The following CRPPA variants were observed in gnomAD, a reference collection of about 807,000 sequenced individuals.
CRPPA encodes the protein D-ribitol-5-phosphate cytidylyltransferase.
Under a neutral mutation model 52.0 loss-of-function variants are expected in CRPPA, and 43 were observed. The observed-to-expected ratio is 0.83, with a 90% confidence interval of 0.65 to 1.07. The LOEUF (loss-of-function observed/expected upper bound fraction) is 1.07, where lower values mean the gene tolerates loss of function less well. Ranked by LOEUF, CRPPA falls within the 50% of genes least tolerant of loss-of-function variation. CRPPA has a pLI of 0.00. For synonymous variants in CRPPA, 250 were observed against 203.5 expected, an observed-to-expected ratio of 1.23 and a Z score of -1.94; for missense variants, 629 against 551.7, an observed-to-expected ratio of 1.14 and a Z score of -1.40.
intron 3 of CRPPA, among the ~76,000 whole-genome samples, chr7:16,352,760 T>C (rs1184048218): frequency 9.2e-5 from 14 of 152,004 alleles, no homozygotes; most frequent in Non-Finnish European, 2.9e-5. Flanking sequence ...TCCAAAGAAA[T>C]TGAAATCGAT....
intron 9 of CRPPA, among the ~76,000 whole-genome samples, chr7:16,125,968 T>C (rs1254990732): frequency 2.0e-5 from 3 of 150,250 alleles, no homozygotes. Flanking sequence ...AAAAGAAAGG[T>C]GAATTCTATG....
chr7:16,263,223 T>G (rs990798033), intron 6 of CRPPA, among the ~76,000 whole-genome samples: 1 of 152,122 alleles, frequency 6.6e-6, no homozygotes, highest in African/African-American at 2.4e-5. Context: ...ACTTTGACAT[T>G]AAAGCCCTTC....
At chr7:16,216,992 A>G (rs946607520) in intron 8 of CRPPA, among the ~76,000 whole-genome samples, 1 of 152,090 alleles carries the variant, frequency 6.6e-6, no homozygotes, top group African/African-American at 2.4e-5. Context: ...GGGGCAGGGC[A>G]CAGACAAACA....
At chr7:16,206,890 C>T in intron 9 of CRPPA, among the ~76,000 whole-genome samples, 1 of 152,084 alleles carries the variant, frequency 6.6e-6, no homozygotes, top group East Asian at 1.9e-4. Context: ...ACTTTCCATT[C>T]AGTAAGAGGA....
intron 3 of CRPPA, among the ~76,000 whole-genome samples, chr7:16,332,317 A>G (rs1159113927): frequency 6.6e-6 from 1 of 152,204 alleles, no homozygotes; most frequent in African/African-American, 2.4e-5. Context: ...AGCTATTTAG[A>G]GGGAAATGAT....
At chr7:16,293,219 T>C (rs1784596659) in intron 5 of CRPPA, among the ~76,000 whole-genome samples, 1 of 151,920 alleles carries the variant, frequency 6.6e-6, no homozygotes, top group Admixed American at 6.6e-5. Flanking sequence ...CTCAACACCA[T>C]GCAATTCTTC....
At chr7:16,414,897 T>A (rs932407595) in intron 1 of CRPPA, among the ~76,000 whole-genome samples, 3 of 152,222 alleles carry the variant, frequency 2.0e-5, no homozygotes, top group Non-Finnish European at 2.9e-5. Flanking sequence ...TGGACTACCA[T>A]TCTTTAAGAT....
intron 9 of CRPPA, among the ~76,000 whole-genome samples, chr7:16,144,317 C>T (rs993482347): frequency 1.3e-5 from 2 of 152,218 alleles, no homozygotes; most frequent in Non-Finnish European, 1.5e-5. Context: ...TGAAGCAGTA[C>T]TGTGACCTGA....
intron 3 of CRPPA, among the ~76,000 whole-genome samples, chr7:16,317,435 C>A (rs1285698176): frequency 6.6e-6 from 1 of 152,172 alleles, no homozygotes; most frequent in Non-Finnish European, 1.5e-5. Flanking sequence ...TCAGTAACAT[C>A]TGATGGTTGT....
chr7:16,219,526 C>G lies in CRPPA; in HGVS notation c.1120-3329G>C, dbSNP rs1294047777. 3.7e-5 allele frequency among the ~76,000 whole-genome samples: 4 copies of G among 108,606 alleles called. 1 individual carries two copies. Among genetic ancestry groups the G allele is most frequent in the Non-Finnish European group, 7.8e-5 (4 of 51,458 alleles). 71.2% of individuals were successfully genotyped at this position (108,606 alleles called of 152,430 possible). ...GGAGCTGGTTTTTTGAAAGGATCAA[C>G]AAAATTGATAGACCGCTAGCAAGAC... On this transcript the variant is annotated intron_variant, in intron 8 of 9. Coordinates refer to ENST00000407010, the MANE Select transcript of CRPPA (RefSeq NM_001101426.4).
intron 3 of CRPPA, among the ~76,000 whole-genome samples, chr7:16,368,493 T>G (rs1338364275): frequency 6.6e-6 from 1 of 152,230 alleles, no homozygotes; most frequent in Non-Finnish European, 1.5e-5. Context: ...ATTTTGACTT[T>G]TAAATTATCA....
intron 3 of CRPPA, among the ~76,000 whole-genome samples, chr7:16,368,523 T>C (rs1467810637): frequency 6.6e-6 from 1 of 152,224 alleles, no homozygotes; most frequent in African/African-American, 2.4e-5. Context: ...TTGGCACTAG[T>C]AGCATTTTGG....
At chr7:16,186,334 T>A (rs73291405) in intron 9 of CRPPA, among the ~76,000 whole-genome samples, 9,976 of 152,220 alleles carry the variant, frequency 0.066, 425 homozygotes, top group East Asian at 0.14. Context: ...GGGAGAATAG[T>A]ACCCTTGTAA....
intron 2 of CRPPA, among the ~76,000 whole-genome samples, chr7:16,403,152 T>C (rs1463997463): frequency 1.3e-5 from 2 of 152,082 alleles, no homozygotes; most frequent in African/African-American, 2.4e-5. Context: ...AAAAAAACAG[T>C]TGTAGACTTA....
intron 9 of CRPPA, among the ~76,000 whole-genome samples, chr7:16,155,727 T>C (rs1250400305): frequency 6.6e-6 from 1 of 152,226 alleles, no homozygotes; most frequent in Non-Finnish European, 1.5e-5. Context: ...CATTCAACAT[T>C]ATGCTATTAG....
chr7:16,308,710 C>A, intron 3 of CRPPA, 83 bp from the exon 4 acceptor site: 1 of 833,612 alleles, frequency 1.2e-6, no homozygotes, highest in South Asian at 1.5e-5. Context: ...TAATCCATTG[C>A]AAACAAAGGA....
At chr7:16,219,652 A>T in intron 8 of CRPPA, among the ~76,000 whole-genome samples, 1 of 112,320 alleles carries the variant, frequency 8.9e-6, no homozygotes, top group African/African-American at 3.1e-5. Flanking sequence ...CCATCAGAGA[A>T]TACTACAAAC....
Position 16,301,402 on chromosome 7 carries a change from G to C in CRPPA, c.835+19C>G. The C allele has an allele frequency of 6.2e-7, 1 of 1,605,012 alleles. No homozygotes were observed. ...CATTTTTGAAACACAGGAACTGACA[G>C]TCATAAGGCCAAACATACCCTTAAT... On this transcript the variant is annotated intron_variant, in intron 5 of 9. Transcript: ENST00000407010.
At chr7:16,366,388 C>T (rs1786589017) in intron 3 of CRPPA, among the ~76,000 whole-genome samples, 1 of 152,062 alleles carries the variant, frequency 6.6e-6, no homozygotes, top group East Asian at 1.9e-4. Flanking sequence ...AAACACAAAT[C>T]AATATACAGC....
Sources: allele counts gnomAD v4.1 joint callset (sites outside exome capture counted in the v4.1 genomes callset), GRCh38; gene constraint gnomAD v4.1.1; transcripts MANE v1.5; gene names NCBI Gene and HGNC (gene_info 2026-07-23, HGNC 2026-07-21).